GBF1: variants seen among roughly 807,000 people sequenced by gnomAD.
GBF1 encodes the protein golgi brefeldin A resistant guanine nucleotide exchange factor 1.
GBF1 carries 114 observed loss-of-function variants against 210.5 expected under a neutral mutation model. The ratio of observed to expected loss-of-function variants is 0.54; its 90% CI spans 0.47 to 0.63. The LOEUF (loss-of-function observed/expected upper bound fraction) is 0.63. GBF1 is among the 30% of genes least tolerant of loss of function. GBF1 has a pLI of 0.00. For synonymous variants in GBF1, 850 were observed against 889.2 expected, an observed-to-expected ratio of 0.96 and a Z score of 0.78; for missense variants, 1,851 against 2,357.7, an observed-to-expected ratio of 0.79 and a Z score of 4.45.
At chr10:102,234,462 C>T in the GBF1 span, among the ~76,000 whole-genome samples, 1 of 152,142 alleles carries the variant, frequency 6.6e-6, no homozygotes, top group Non-Finnish European at 1.5e-5. Context: ...CAGCTTACTT[C>T]CCCTTCCAGG....
chr10:102,307,995 C>T (rs1329442985), intron 3 of GBF1, among the ~76,000 whole-genome samples: 3 of 151,902 alleles, frequency 2.0e-5, no homozygotes, highest in African/African-American at 7.3e-5. Context: ...GAAAAAGATA[C>T]ACAATATCAA....
chr10:102,241,514 C>T (rs2070536926), upstream of GBF1: 1 of 152,426 alleles, frequency 6.6e-6, no homozygotes, highest in Non-Finnish European at 1.5e-5. This position sits in a 1 kb window ranked among gnomAD's most constrained non-coding sequence, Gnocchi z 6.7. Flanking sequence ...CGTACTGCCA[C>T]CCCCAGCCGG....
intron 4 of GBF1, 50 bp downstream of exon 4, chr10:102,344,232 T>C (rs777582581): frequency 1.3e-6 from 2 of 1,593,642 alleles, no homozygotes; most frequent in Non-Finnish European, 8.6e-7. Flanking sequence ...TTTCCCACCT[T>C]TCCTGGGGTG....
At chr10:102,362,059 T>C (rs1301395039) in intron 14 of GBF1, 147 bp downstream of exon 14, 238 of 446,054 alleles carry the variant, frequency 5.3e-4, no homozygotes, top group Non-Finnish European at 7.2e-4. Flanking sequence ...TCTTTTTTTT[T>C]TTTTTTTTTT....
At chr10:102,336,722 A>G (rs1234412820) in intron 3 of GBF1, among the ~76,000 whole-genome samples, 1 of 152,202 alleles carries the variant, frequency 6.6e-6, no homozygotes, top group Non-Finnish European at 1.5e-5. Context: ...CCTGGTTCCA[A>G]TACTAACTGG....
chr10:102,319,914 A>C (rs1196112762), intron 3 of GBF1, among the ~76,000 whole-genome samples: 3 of 151,724 alleles, frequency 2.0e-5, no homozygotes, highest in Non-Finnish European at 4.4e-5. Context: ...TTTTTAGTAG[A>C]GATGGGGTTT....
At chr10:102,357,704 A>T (rs1000269003) in intron 8 of GBF1, among the ~76,000 whole-genome samples, 6 of 152,152 alleles carry the variant, frequency 3.9e-5, no homozygotes, top group Non-Finnish European at 5.9e-5. Context: ...CAAGAGGGTC[A>T]TGCATCATCC....
chr10:102,241,865 C>T (rs1309778231), upstream of GBF1, among the ~76,000 whole-genome samples: 1 of 152,206 alleles, frequency 6.6e-6, no homozygotes, highest in African/African-American at 2.4e-5. The surrounding 1 kb of genome is among the most constrained non-coding windows in gnomAD (Gnocchi z 6.7). Context: ...TGGGTTGGGC[C>T]GCTACCCCGA....
chr10:102,301,560 C>T (rs1351162189), intron 3 of GBF1, among the ~76,000 whole-genome samples: 10 of 149,450 alleles, frequency 6.7e-5, no homozygotes, highest in South Asian at 2.1e-4. Flanking sequence ...GGGCAGCTGC[C>T]GGGCGGAGGG....
rs763880492 is a variant in GBF1, at chr10:102,287,344, CTTTTTTTTTTTTTTTTTT to C, written c.163+27238_163+27255del. On this transcript the variant is annotated intron_variant, in intron 3 of 39. Coordinates refer to ENST00000369983, the MANE Select transcript of GBF1 (RefSeq NM_001377137.1). The stretch of plus-strand genomic sequence containing the variant: ...CACACAGTTTCTTTTATTTTATTTT[CTTTTTTTTTTTTTTTTTT>C]TTTTTTTTTGAGATGAGGTCTCACT... 5.8e-5 allele frequency among the ~76,000 whole-genome samples: 4 copies of C among 69,520 alleles called. No individual in the cohort carries two copies. The South Asian group carries it at 2.7e-3, about 46-fold the overall frequency. 45.6% of individuals were successfully genotyped at this position (69,520 alleles called of 152,430 possible). A position where few individuals can be genotyped will look rare whatever the true frequency, so the allele number is the denominator to read the frequency against.
Position 102,367,528 on chromosome 10 carries a change from A to G in GBF1, c.2610A>G (p.Gln870=). The G allele has an allele frequency of 2.5e-6, 4 of 1,606,970 alleles. No homozygotes were observed. The highest frequency in any genetic ancestry group is 3.4e-6 in the Non-Finnish European group (4 of 1,173,468). Residue 870 remains glutamine, a synonymous_variant, in exon 21 of 40, where the codon CAA becomes CAG. Coordinates refer to ENST00000369983, the MANE Select transcript of GBF1 (RefSeq NM_001377137.1). ...TGAATGGAGGCAAGGACTTTGAGCA[A>G]GACATCCTGGAGGACATGTACCATG... ...KGVNGGKDFE[Q]DILEDMYHAI...
chr10:102,287,897 TTAA>T (rs2076095442), intron 3 of GBF1, among the ~76,000 whole-genome samples: 1 of 152,152 alleles, frequency 6.6e-6, no homozygotes, highest in Non-Finnish European at 1.5e-5. Context: ...TTGCAGGAAG[TTAA>T]ATGGAAATTT....
chr10:102,349,990 G>C (rs1042435269), intron 4 of GBF1, among the ~76,000 whole-genome samples: 2 of 151,946 alleles, frequency 1.3e-5, no homozygotes, highest in African/African-American at 4.8e-5. Context: ...CTCTCCTAAT[G>C]CCTGTTAAGC....
At chr10:102,289,105 GA>G (rs58999096) in intron 3 of GBF1, among the ~76,000 whole-genome samples, 27,971 of 118,030 alleles carry the variant, frequency 0.24, 2,823 homozygotes, top group South Asian at 0.34. Flanking sequence ...CTCTGTCTCA[GA>G]AAAAAAAAAA....
intron 3 of GBF1, among the ~76,000 whole-genome samples, chr10:102,267,476 C>T (rs779590786): frequency 4.6e-5 from 7 of 151,976 alleles, no homozygotes; most frequent in Admixed American, 2.0e-4. Flanking sequence ...TGCACTCCAG[C>T]CTGGGTGGCA....
chr10:102,334,548 G>T (rs1377954168), intron 3 of GBF1, among the ~76,000 whole-genome samples: 3 of 152,162 alleles, frequency 2.0e-5, no homozygotes, highest in Non-Finnish European at 2.9e-5. Flanking sequence ...CATGAGAAGA[G>T]AAAATAATGT....
chr10:102,261,696 A>G (rs895038618), intron 3 of GBF1, among the ~76,000 whole-genome samples: 2 of 148,360 alleles, frequency 1.3e-5, no homozygotes, highest in Non-Finnish European at 3.0e-5. Context: ...GCTCACTGCA[A>G]CTGCAACTTC....
At chr10:102,244,357 G>C (rs1373649256), upstream of GBF1, among the ~76,000 whole-genome samples, 2 of 152,098 alleles carry the variant, frequency 1.3e-5, no homozygotes, top group African/African-American at 4.8e-5. Context: ...AGGGACACTG[G>C]GGCTCTAGTG....
rs398046214 is a variant in GBF1, at chr10:102,338,237, CTTTTTT to C, written c.164-5798_164-5793del. On this transcript the variant is annotated intron_variant, in intron 3 of 39. Transcript: ENST00000369983. ...AGTCATAGATTCCAACAACCTTCTT[CTTTTTT>C]TTTTTTTTTTTTTTTGAGACAGAGT... Among the ~76,000 whole-genome samples, 3 of 114,166 alleles carry C rather than the reference CTTTTTT, an allele frequency of 2.6e-5. No individual in the cohort carries two copies. In the East Asian group the frequency reaches 7.4e-4, roughly 28 times the overall value. The allele number at this position is 114,166 out of a possible 152,430, so 74.9% of individuals were successfully genotyped here. A position where few individuals can be genotyped will look rare whatever the true frequency, so the allele number is the denominator to read the frequency against.
Sources: allele counts gnomAD v4.1 joint callset (sites outside exome capture counted in the v4.1 genomes callset), GRCh38; gene constraint gnomAD v4.1.1; non-coding constraint Gnocchi (gnomAD v3.1); transcripts MANE v1.5; gene names NCBI Gene and HGNC (gene_info 2026-07-23, HGNC 2026-07-21).